MED13L: variants seen among roughly 807,000 people sequenced by gnomAD.
MED13L encodes the protein mediator complex subunit 13L, also known as mediator of RNA polymerase II transcription subunit 13-like.
Under a neutral mutation model 220.9 loss-of-function variants are expected in MED13L, and 7 were observed. The ratio of observed to expected loss-of-function variants is 0.03; its 90% confidence interval spans 0.02 to 0.06. MED13L has a LOEUF of 0.06. Among genes scored for constraint, MED13L ranks in the 10% least tolerant of loss-of-function variants. MED13L has a pLI of 1.00. For synonymous variants in MED13L, 1,011 were observed against 1,015.2 expected, an observed-to-expected ratio of 1.00 and a Z score of 0.08; for missense variants, 1,965 against 2,760.5, an observed-to-expected ratio of 0.71 and a Z score of 6.46.
Position 116,015,174 on chromosome 12 carries a change from T to C in MED13L, c.1110A>G (p.Pro370=), listed in dbSNP as rs1879649325. The C allele has an allele frequency of 1.9e-6, 3 of 1,613,992 alleles. No individual in the cohort carries two copies. The part of the protein sequence containing the change: ...HSPKRSGKIP[P]KLHNHMVHRV... ...GATGGACCATATGATTGTGGAGTTT[T>C]GGAGGAATCTTCCCCGATCTCTTTG... Residue 370 remains proline, a synonymous_variant, in exon 8 of 31, where the codon CCA becomes CCG. Coordinates refer to ENST00000281928, the MANE Select transcript of MED13L (RefSeq NM_015335.5).
chr12:116,190,919 C>G (rs1051799089), intron 2 of MED13L, among the ~76,000 whole-genome samples: 1 of 151,788 alleles, frequency 6.6e-6, no homozygotes, highest in African/African-American at 2.4e-5. Context: ...TGGTGAAACC[C>G]CATCTCTACT....
intron 16 of MED13L, among the ~76,000 whole-genome samples, chr12:115,994,884 C>T (rs1039407038): frequency 1.3e-5 from 2 of 152,280 alleles, no homozygotes; most frequent in South Asian, 4.1e-4. Flanking sequence ...TTCCACGGTA[C>T]TTCTACAGTC....
intron 2 of MED13L, among the ~76,000 whole-genome samples, chr12:116,150,170 A>C (rs781292891): frequency 6.6e-6 from 1 of 152,234 alleles, no homozygotes; most frequent in African/African-American, 2.4e-5. Context: ...TCGCTGTGAT[A>C]CCAGCATGGC....
Position 116,015,280 on chromosome 12 carries a change from A to C in MED13L, c.1010-6T>G, listed in dbSNP as rs558433362. 5.0e-6 allele frequency: 8 copies of C among 1,613,756 alleles called. No homozygotes were observed. The Admixed American group carries it at 8.3e-5, about 17-fold the overall frequency. ...CTGCATACCTCCACTCTCACCTGAA[A>C]AAAAAGGCAATTTGGAATGTTAGGA... On this transcript the variant is annotated splice_polypyrimidine_tract_variant and splice_region_variant and intron_variant, in intron 7 of 30. Transcript: ENST00000281928.
intron 1 of MED13L, among the ~76,000 whole-genome samples, chr12:116,272,062 A>C (rs1873411290): frequency 6.6e-6 from 1 of 152,220 alleles, no homozygotes; most frequent in African/African-American, 2.4e-5. Flanking sequence ...TTAACTGTTC[A>C]TAAAAAATAA....
intron 4 of MED13L, among the ~76,000 whole-genome samples, chr12:116,033,374 C>T (rs1880975149): frequency 6.6e-6 from 1 of 152,138 alleles, no homozygotes; most frequent in Non-Finnish European, 1.5e-5. Context: ...AATTATTAAA[C>T]TATTTTCAAA....
At chr12:116,030,105 T>C (rs1015375903) in intron 4 of MED13L, among the ~76,000 whole-genome samples, 2 of 152,194 alleles carry the variant, frequency 1.3e-5, no homozygotes, top group East Asian at 3.9e-4. Flanking sequence ...GTAGCTGGGA[T>C]TACAGATGTG....
At chr12:116,214,359 T>A (rs1882880418) in intron 2 of MED13L, among the ~76,000 whole-genome samples, 1 of 152,166 alleles carries the variant, frequency 6.6e-6, no homozygotes, top group Non-Finnish European at 1.5e-5. Flanking sequence ...ACTCAGTTCT[T>A]GAAGTCAAGA....
intron 2 of MED13L, among the ~76,000 whole-genome samples, chr12:116,184,562 C>T (rs577440910): frequency 6.6e-6 from 1 of 152,234 alleles, no homozygotes; most frequent in South Asian, 2.1e-4. Flanking sequence ...GGCAAATCCT[C>T]AAAATGCCAG....
At chr12:116,123,963 C>T (rs775123736) in intron 2 of MED13L, among the ~76,000 whole-genome samples, 4 of 152,098 alleles carry the variant, frequency 2.6e-5, no homozygotes, top group Admixed American at 2.6e-4. Context: ...ACAACAAGCA[C>T]ATTTATAGAC....
At chr12:115,985,198 T>C (rs1228598294) in intron 19 of MED13L, among the ~76,000 whole-genome samples, 1 of 152,216 alleles carries the variant, frequency 6.6e-6, no homozygotes, top group African/African-American at 2.4e-5. Context: ...TTTTGTAACT[T>C]ATGTTGAAGG....
chr12:116,133,842 C>T (rs368521566), intron 2 of MED13L, among the ~76,000 whole-genome samples: 1 of 152,134 alleles, frequency 6.6e-6, no homozygotes, highest in Non-Finnish European at 1.5e-5. Context: ...GTGAGGAAAC[C>T]TAGTCCACAC....
chr12:116,198,997 ACT>A (rs752132546), intron 2 of MED13L, among the ~76,000 whole-genome samples: 5 of 152,178 alleles, frequency 3.3e-5, no homozygotes, highest in Non-Finnish European at 7.3e-5. Flanking sequence ...CCTAGGAACC[ACT>A]AAAGTTTCTA....
chr12:116,030,440 G>A (rs1402235862), intron 4 of MED13L, among the ~76,000 whole-genome samples: 1 of 151,978 alleles, frequency 6.6e-6, no homozygotes, highest in Non-Finnish European at 1.5e-5. Flanking sequence ...ACCAGAAACA[G>A]TACTTACAAG....
chr12:116,004,813 T>C (rs964465794), intron 13 of MED13L, among the ~76,000 whole-genome samples: 1 of 152,208 alleles, frequency 6.6e-6, no homozygotes, highest in African/African-American at 2.4e-5. Flanking sequence ...ATAATATCTG[T>C]TAGATACATT....
chr12:116,259,448 AT>A (rs2138551186), intron 1 of MED13L, among the ~76,000 whole-genome samples: 1 of 152,344 alleles, frequency 6.6e-6, no homozygotes, highest in East Asian at 1.9e-4. Context: ...ACATGTAAAA[AT>A]ATACATATAA....
chr12:116,100,226 A>ATGC, intron 3 of MED13L, among the ~76,000 whole-genome samples: 1 of 152,272 alleles, frequency 6.6e-6, no homozygotes, highest in East Asian at 1.9e-4. Context: ...ACAAGGGAAT[A>ATGC]TGCTGACTCA....
In MED13L at chr12:115,983,423, G is replaced by T. The variant is rs768393664; in HGVS notation, c.4649C>A (p.Pro1550Gln). 1.2e-5 allele frequency: 19 copies of T among 1,614,088 alleles called. No individual in the cohort carries two copies. ...ATPGNAGPLA[P>Q]NGSAAPPAGS... ...AGCTGGGGGAGCTGCTGATCCATTT[G>T]GAGCTAAGGGCCCAGCATTCCCTGG... Residue 1550 changes from proline to glutamine, a missense_variant, in exon 21 of 31, where the codon CCA becomes CAA. Coordinates refer to ENST00000281928, the MANE Select transcript of MED13L (RefSeq NM_015335.5).
chr12:115,970,298 T>C (rs1203254866), intron 27 of MED13L, among the ~76,000 whole-genome samples: 2 of 152,232 alleles, frequency 1.3e-5, no homozygotes, highest in Non-Finnish European at 2.9e-5. Context: ...CAAATATTTA[T>C]TGAAAGAGTG....
Sources: gnomAD v4.1 joint callset for allele counts (sites outside exome capture counted in the v4.1 genomes callset) on GRCh38, gnomAD v4.1.1 for gene constraint, MANE v1.5 for transcripts, NCBI Gene and HGNC (gene_info 2026-07-23, HGNC 2026-07-21) for gene names.